Variants in CDK14 observed in about 807,000 individuals in gnomAD.
CDK14 encodes cyclin dependent kinase 14, also known as cyclin-dependent kinase 14.
Under a neutral mutation model 60.7 loss-of-function variants are expected in CDK14, and 34 were observed. That is an observed-to-expected ratio of 0.56 (90% confidence interval 0.43 to 0.75). The LOEUF (loss-of-function observed/expected upper bound fraction) is 0.75, where lower values mean the gene tolerates loss of function less well. Ranked by LOEUF, CDK14 falls within the 30% of genes least tolerant of loss-of-function variation. The probability of loss-of-function intolerance (pLI) is 0.00; values close to 1 mark genes in which losing one functional copy is unlikely to be tolerated. For missense variants in CDK14, 482 were observed against 564.1 expected (o/e 0.85, Z 1.47); for synonymous variants, 197 against 203.7 (o/e 0.97, Z 0.28).
chr7:90,774,783 C>T (rs187252601), intron 4 of CDK14, among the ~76,000 whole-genome samples: 36 of 152,264 alleles, frequency 2.4e-4, no homozygotes, highest in Admixed American at 1.8e-3. Context: ...GTGTTTTGGT[C>T]TCTATTAGAA....
At chr7:91,161,180 C>G (rs911779116) in intron 14 of CDK14, among the ~76,000 whole-genome samples, 3 of 152,062 alleles carry the variant, frequency 2.0e-5, no homozygotes, top group Non-Finnish European at 4.4e-5. Context: ...TGGGTCTGGA[C>G]GGGTTGATAG....
chr7:90,652,890 G>T (rs1041824439), intron 2 of CDK14, among the ~76,000 whole-genome samples: 1 of 152,078 alleles, frequency 6.6e-6, no homozygotes, highest in African/African-American at 2.4e-5. Flanking sequence ...AGAAGTGAAG[G>T]TTGCATACAG....
intron 8 of CDK14, among the ~76,000 whole-genome samples, chr7:90,925,417 T>G (rs1264928866): frequency 6.6e-6 from 1 of 152,208 alleles, no homozygotes; most frequent in Non-Finnish European, 1.5e-5. Context: ...ATGGAATAAC[T>G]GAGGCATAAG....
chr7:90,840,406 A>G (rs574487594), intron 5 of CDK14, among the ~76,000 whole-genome samples: 2 of 152,366 alleles, frequency 1.3e-5, no homozygotes, highest in South Asian at 2.1e-4. Flanking sequence ...CTTTAAAGCC[A>G]TAGTGATTTG....
chr7:91,105,935 A>G (rs778167065), intron 12 of CDK14, among the ~76,000 whole-genome samples: 1 of 152,228 alleles, frequency 6.6e-6, no homozygotes, highest in Non-Finnish European at 1.5e-5. Context: ...TGATTAAATA[A>G]TTCATTGAAC....
intron 4 of CDK14, among the ~76,000 whole-genome samples, chr7:90,785,745 C>T (rs970228229): frequency 4.2e-5 from 6 of 143,532 alleles, no homozygotes; most frequent in African/African-American, 1.6e-4. Context: ...TGAGATCATG[C>T]CATTGCACCC....
At chr7:90,825,193 G>A (rs1789680636) in intron 5 of CDK14, among the ~76,000 whole-genome samples, 2 of 152,190 alleles carry the variant, frequency 1.3e-5, no homozygotes, top group African/African-American at 4.8e-5. Context: ...CAATGAAGCT[G>A]GGAGATGGAG....
chr7:90,946,033 C>T (rs546588488), intron 8 of CDK14, among the ~76,000 whole-genome samples: 2 of 152,140 alleles, frequency 1.3e-5, no homozygotes, highest in Admixed American at 1.3e-4. Context: ...GTGGCAGCAG[C>T]AGTGGGGAAA....
chr7:90,628,167 A>G lies in CDK14; in HGVS notation c.123+23918A>G, dbSNP rs149629290. Among the ~76,000 whole-genome samples, 34 of 152,054 alleles carry G rather than the reference A, an allele frequency of 2.2e-4. No individual in the cohort carries two copies. The East Asian group carries it at 6.2e-3, about 28-fold the overall frequency. ...AGACGGGGTTCTGCTGTGTTGCCCA[A>G]GTTGGTCTTGAACTCCTGGACTCAA... On this transcript the variant is annotated intron_variant, in intron 2 of 14. Coordinates refer to ENST00000380050, the MANE Select transcript of CDK14 (RefSeq NM_001287135.2).
At chr7:90,782,847 T>A (rs1805401904) in intron 4 of CDK14, among the ~76,000 whole-genome samples, 1 of 152,130 alleles carries the variant, frequency 6.6e-6, no homozygotes, top group Non-Finnish European at 1.5e-5. Context: ...TGAATTTTTA[T>A]AGAGGAGTTG....
At chr7:90,969,491 A>T (rs971071063) in intron 9 of CDK14, among the ~76,000 whole-genome samples, 1 of 152,146 alleles carries the variant, frequency 6.6e-6, no homozygotes, top group African/African-American at 2.4e-5. Context: ...CCATGAATAA[A>T]TTTTTCCTAA....
intron 5 of CDK14, among the ~76,000 whole-genome samples, chr7:90,813,998 A>G (rs1322672271): frequency 6.6e-6 from 1 of 152,246 alleles, no homozygotes; most frequent in African/African-American, 2.4e-5. Context: ...TCAAGTGTCA[A>G]CATTAGTGAT....
At chr7:91,146,655 A>T (rs73213032) in intron 14 of CDK14, among the ~76,000 whole-genome samples, 1 of 152,350 alleles carries the variant, frequency 6.6e-6, no homozygotes, top group Non-Finnish European at 1.5e-5. Context: ...CCACTTAGAA[A>T]GAGTTAAAAT....
intron 2 of CDK14, among the ~76,000 whole-genome samples, chr7:90,654,199 G>A (rs1006424296): frequency 6.6e-6 from 1 of 151,918 alleles, no homozygotes; most frequent in East Asian, 1.9e-4. Flanking sequence ...TCAACCTTGA[G>A]GATAAGAAAT....
chr7:91,080,254 T>C (rs1584027980), intron 12 of CDK14, among the ~76,000 whole-genome samples: 1 of 52,128 alleles, frequency 1.9e-5, no homozygotes, highest in Admixed American at 2.2e-4. Context: ...TTCACTGTTA[T>C]CACGTTTAAT....
rs80069003 is a variant in CDK14, at chr7:90,708,017, A to G, written c.124-18550A>G. On this transcript the variant is annotated intron_variant, in intron 2 of 14. Coordinates refer to ENST00000380050, the MANE Select transcript of CDK14 (RefSeq NM_001287135.2). Reference sequence around the variant, plus strand: ...TGTTACTGTGTTTGTTGGTTTTTATACAAGATATCTTAGTGAACACAAACA... The same window carrying G: ...TGTTACTGTGTTTGTTGGTTTTTATGCAAGATATCTTAGTGAACACAAACA... Among the ~76,000 whole-genome samples the G allele has an allele frequency of 3.6e-3, 551 of 152,332 alleles. 9 individuals are homozygous for G. The highest frequency in any genetic ancestry group is 0.013 in the African/African-American group (531 of 41,586).
chr7:90,639,985 C>T lies in CDK14; in HGVS notation c.123+35736C>T, dbSNP rs188755504. Among the ~76,000 whole-genome samples, 147 of 152,174 alleles carry T rather than the reference C, an allele frequency of 9.7e-4. 1 individual carries two copies. Among genetic ancestry groups the T allele is most frequent in the African/African-American group, 3.2e-3 (134 of 41,562 alleles). The stretch of plus-strand genomic sequence containing the variant: ...AAGCCCGTAGGAAAAGCGCAGTATT[C>T]GGGTGGGAGAGGCCTGATTTTCCAC... On this transcript the variant is annotated intron_variant, in intron 2 of 14. Transcript: ENST00000380050.
intron 2 of CDK14, among the ~76,000 whole-genome samples, chr7:90,648,809 T>C (rs896542143): frequency 5.9e-5 from 9 of 152,206 alleles, no homozygotes; most frequent in Non-Finnish European, 5.9e-5. Flanking sequence ...CCCAAATAAA[T>C]AGGAAATAGA....
chr7:90,775,625 CCCCCTCCCCCTTCCCCTCCCCCTT>C (rs1192015879), intron 4 of CDK14, among the ~76,000 whole-genome samples: 1 of 49,544 alleles, frequency 2.0e-5, no homozygotes. Context: ...ACCTCCTCCT[CCCCCTCCCCCTTCCCCTCCCCCTT>C]CCCCTCCCCC....
Sources: allele counts gnomAD v4.1 joint callset (sites outside exome capture counted in the v4.1 genomes callset), GRCh38; gene constraint gnomAD v4.1.1; transcripts MANE v1.5; gene names NCBI Gene and HGNC (gene_info 2026-07-23, HGNC 2026-07-21).